MED27: variants seen among roughly 807,000 people sequenced by gnomAD.
The protein encoded by MED27 is mediator complex subunit 27.
Under a neutral mutation model 38.2 loss-of-function variants are expected in MED27, and 30 were observed. The observed-to-expected ratio is 0.79, with a 90% CI of 0.59 to 1.07. The LOEUF (loss-of-function observed/expected upper bound fraction) is 1.07, where lower values mean the gene tolerates loss of function less well. Among genes scored for constraint, MED27 ranks in the 50% least tolerant of loss-of-function variants. MED27 has a pLI of 0.00. For missense variants in MED27, 289 were observed against 397.5 expected (o/e 0.73, Z 2.32); for synonymous variants, 122 against 153.5 (o/e 0.79, Z 1.52).
At chr9:131,939,540 T>G in intron 3 of MED27, 66 bp from the exon 4 acceptor site, 1 of 955,972 alleles carries the variant, frequency 1.0e-6, no homozygotes, top group Non-Finnish European at 1.5e-6. Flanking sequence ...ATTAATAGTA[T>G]TCAAAAGACA....
intron 6 of MED27, 43 bp downstream of exon 6, chr9:131,884,015 T>C (rs1489440025): frequency 1.3e-6 from 2 of 1,572,182 alleles, no homozygotes; most frequent in Non-Finnish European, 8.7e-7. Context: ...GCATTCACGT[T>C]TTCCTAATGC....
At chr9:131,926,788 T>C (rs1830492515) in intron 4 of MED27, among the ~76,000 whole-genome samples, 1 of 152,246 alleles carries the variant, frequency 6.6e-6, no homozygotes, top group Non-Finnish European at 1.5e-5. Flanking sequence ...GAATATGTTA[T>C]GGAAATTGAA....
chr9:131,908,241 C>T (rs7870247), intron 4 of MED27, among the ~76,000 whole-genome samples: 107,617 of 132,790 alleles, frequency 0.81, 43,230 homozygotes, highest in Non-Finnish European at 0.83. Flanking sequence ...CCGCCCCGTC[C>T]GGGAGGGAGG....
At chr9:131,943,689 A>T (rs1388633231) in intron 3 of MED27, among the ~76,000 whole-genome samples, 1 of 152,228 alleles carries the variant, frequency 6.6e-6, no homozygotes, top group African/African-American at 2.4e-5. Flanking sequence ...ATTTAGTGCC[A>T]AATTGAGCAG....
At chr9:132,061,096 C>T (rs1218918991) in intron 2 of MED27, among the ~76,000 whole-genome samples, 2 of 152,204 alleles carry the variant, frequency 1.3e-5, no homozygotes, top group Non-Finnish European at 2.9e-5. Flanking sequence ...GCATCTACAG[C>T]CATTTCTCCA....
At chr9:131,936,705 G>C (rs1830693015) in intron 4 of MED27, among the ~76,000 whole-genome samples, 2 of 152,186 alleles carry the variant, frequency 1.3e-5, no homozygotes, top group African/African-American at 4.8e-5. Flanking sequence ...TGTCCTGCCG[G>C]GCAGGTCAGA....
chr9:131,946,621 C>T (rs1377158387), intron 3 of MED27, among the ~76,000 whole-genome samples: 1 of 152,180 alleles, frequency 6.6e-6, no homozygotes, highest in Non-Finnish European at 1.5e-5. Context: ...AGGCACAGCT[C>T]AGTGGTAAAC....
intron 3 of MED27, among the ~76,000 whole-genome samples, chr9:131,977,760 T>G (rs1169486886): frequency 1.3e-5 from 2 of 152,158 alleles, no homozygotes; most frequent in African/African-American, 4.8e-5. Flanking sequence ...AATAAGTAAA[T>G]TGGTCATTGT....
chr9:132,040,854 G>A (rs1292794462), intron 2 of MED27, among the ~76,000 whole-genome samples: 2 of 152,198 alleles, frequency 1.3e-5, no homozygotes, highest in Non-Finnish European at 2.9e-5. Context: ...CAAACAACTA[G>A]GTGCTTCCAT....
Position 131,978,019 on chromosome 9 carries a change from A to T in MED27, c.479+36318T>A, listed in dbSNP as rs113373474. ...AGCGGCAGCTAACGTCATCAAAAAG[A>T]GAGACAACCAGACATTTTGTGCCTC... On this transcript the variant is annotated intron_variant, in intron 3 of 7. Coordinates refer to ENST00000292035, the MANE Select transcript of MED27 (RefSeq NM_004269.4). Among the ~76,000 whole-genome samples, 963 of 152,328 alleles carry T rather than the reference A, an allele frequency of 6.3e-3. 5 individuals carry two copies. The highest frequency in any genetic ancestry group is 0.027 in the Middle Eastern group (8 of 294).
At position 132,003,924 on chromosome 9, in the gene MED27, T is replaced by C. The variant is rs1832296328; in HGVS notation, c.479+10413A>G. Among the ~76,000 whole-genome samples, 1 of 152,162 alleles carries C rather than the reference T, an allele frequency of 6.6e-6. No homozygotes were observed. The highest frequency in any genetic ancestry group is 2.4e-5 in the African/African-American group (1 of 41,418). ...TTTAGATTCCCGGTGTGGTCAAACA[T>C]ACATCTGGCCTGTGGAAAGTACATA... is the stretch of plus-strand genomic sequence containing the variant. On this transcript the variant is annotated intron_variant, in intron 3 of 7. Transcript: ENST00000292035. This position sits in a 1 kb window ranked among gnomAD's most constrained non-coding sequence, Gnocchi z 4.2.
intron 2 of MED27, among the ~76,000 whole-genome samples, chr9:132,046,230 T>G (rs1449621805): frequency 1.3e-5 from 2 of 152,126 alleles, no homozygotes; most frequent in Non-Finnish European, 2.9e-5. Context: ...GAAAATAAAC[T>G]AGCACGGTAA....
intron 4 of MED27, among the ~76,000 whole-genome samples, chr9:131,927,312 G>A (rs747992342): frequency 7.2e-5 from 11 of 152,182 alleles, no homozygotes; most frequent in Non-Finnish European, 1.5e-4. Flanking sequence ...GGCTACAGTT[G>A]ATTACCTAAG....
intron 5 of MED27, among the ~76,000 whole-genome samples, chr9:131,892,541 T>A (rs1171488168): frequency 1.3e-5 from 2 of 152,222 alleles, no homozygotes; most frequent in Admixed American, 1.3e-4. Flanking sequence ...TTCTACGTAT[T>A]TGTTCTTCAA....
chr9:131,885,027 C>T (rs574131077), intron 5 of MED27, among the ~76,000 whole-genome samples: 1 of 152,224 alleles, frequency 6.6e-6, no homozygotes, highest in South Asian at 2.1e-4. Flanking sequence ...TCAGTGAGGA[C>T]AGGAGGCTTG....
chr9:132,029,121 C>A (rs1832892609), intron 2 of MED27, among the ~76,000 whole-genome samples: 5 of 152,266 alleles, frequency 3.3e-5, no homozygotes, highest in Admixed American at 3.3e-4. Flanking sequence ...TTTCCAACTC[C>A]TATCAAAAAT....
intron 2 of MED27, among the ~76,000 whole-genome samples, chr9:132,064,606 A>G (rs1163947684): frequency 1.3e-5 from 2 of 152,226 alleles, no homozygotes; most frequent in African/African-American, 4.8e-5. Flanking sequence ...CTAGAAAAGG[A>G]TAAGGGAAAC....
At position 131,949,394 on chromosome 9, in the gene MED27, C is replaced by T. The variant is rs1463353113; in HGVS notation, c.480-9920G>A. 1.3e-5 allele frequency among the ~76,000 whole-genome samples: 2 copies of T among 152,232 alleles called. 1 individual carries two copies. The highest frequency in any genetic ancestry group is 4.1e-4 in the South Asian group (2 of 4,832). ...TTTGCCTCGCTCAATCTCTCGTCAA[C>T]TCTGGGAAGTAAGCAGGGCAAGCAG... On this transcript the variant is annotated intron_variant, in intron 3 of 7. Transcript: ENST00000292035.
At chr9:131,915,342 A>G (rs1373615230) in intron 4 of MED27, among the ~76,000 whole-genome samples, 5 of 152,248 alleles carry the variant, frequency 3.3e-5, no homozygotes, top group Non-Finnish European at 7.3e-5. Context: ...AGTCTCACAC[A>G]TCTTTGTAAT....
Sources: allele counts gnomAD v4.1 joint callset (sites outside exome capture counted in the v4.1 genomes callset), GRCh38; gene constraint gnomAD v4.1.1; non-coding constraint Gnocchi (gnomAD v3.1); transcripts MANE v1.5; gene names NCBI Gene and HGNC (gene_info 2026-07-23, HGNC 2026-07-21).